PPFIA2: variants seen among roughly 807,000 people sequenced by gnomAD.
PPFIA2 encodes the protein liprin-alpha-2.
Under a neutral mutation model 175.5 loss-of-function variants are expected in PPFIA2, and 46 were observed. The ratio of observed to expected loss-of-function variants is 0.26; its 90% confidence interval spans 0.21 to 0.34. The LOEUF (loss-of-function observed/expected upper bound fraction) is 0.34, where lower values mean the gene tolerates loss of function less well. Among genes scored for constraint, PPFIA2 ranks in the 10% least tolerant of loss-of-function variants. The pLI is 1.00. For synonymous variants in PPFIA2, 568 were observed against 511.4 expected (o/e 1.11, Z -1.49); for missense variants, 1,179 against 1,506.1 (o/e 0.78, Z 3.60).
At chr12:81,654,461 C>T (rs2067481735) in intron 4 of PPFIA2, among the ~76,000 whole-genome samples, 1 of 152,000 alleles carries the variant, frequency 6.6e-6, no homozygotes, top group Non-Finnish European at 1.5e-5. Context: ...AATTAAATTT[C>T]TGCACAGAAG....
At chr12:81,461,657 T>C (rs2054557070) in intron 4 of PPFIA2, among the ~76,000 whole-genome samples, 1 of 152,050 alleles carries the variant, frequency 6.6e-6, no homozygotes, top group African/African-American at 2.4e-5. Context: ...AAGTCATATG[T>C]CCCTCAAAAG....
intron 21 of PPFIA2, among the ~76,000 whole-genome samples, chr12:81,333,402 A>T (rs1216505211): frequency 6.6e-6 from 1 of 152,148 alleles, no homozygotes; most frequent in Non-Finnish European, 1.5e-5. Context: ...TGTTCTCCGA[A>T]CGTGATTCCA....
chr12:81,555,861 T>A (rs2068766431), intron 4 of PPFIA2, among the ~76,000 whole-genome samples: 1 of 151,972 alleles, frequency 6.6e-6, no homozygotes, highest in African/African-American at 2.4e-5. Context: ...GGTACTTAAA[T>A]ATGGCTCTAA....
intron 4 of PPFIA2, among the ~76,000 whole-genome samples, chr12:81,665,616 C>A (rs943384932): frequency 2.6e-5 from 4 of 151,964 alleles, no homozygotes; most frequent in Non-Finnish European, 5.9e-5. Flanking sequence ...AGAGGACTTG[C>A]GTTTGCCAGG....
At chr12:81,453,742 C>A (rs1218884500) in intron 5 of PPFIA2, among the ~76,000 whole-genome samples, 2 of 152,056 alleles carry the variant, frequency 1.3e-5, no homozygotes, top group Non-Finnish European at 2.9e-5. Context: ...GATTTAAGAA[C>A]AACTGCAGTG....
chr12:81,544,144 CAG>C (rs963576219), intron 4 of PPFIA2, among the ~76,000 whole-genome samples: 2 of 152,126 alleles, frequency 1.3e-5, no homozygotes, highest in Non-Finnish European at 2.9e-5. Flanking sequence ...ATGTTAATAA[CAG>C]GGGAGACTTG....
chr12:81,296,435 T>G (rs2046453998), intron 23 of PPFIA2, among the ~76,000 whole-genome samples: 1 of 152,236 alleles, frequency 6.6e-6, no homozygotes, highest in South Asian at 2.1e-4. Flanking sequence ...TCTCAAGCAC[T>G]GGGTGAATGC....
intron 4 of PPFIA2, among the ~76,000 whole-genome samples, chr12:81,508,217 C>A (rs1046791446): frequency 6.6e-6 from 1 of 151,904 alleles, no homozygotes; most frequent in Non-Finnish European, 1.5e-5. Context: ...AATGAGATAA[C>A]ATTTATGGTA....
At chr12:81,442,520 T>C (rs1030892544) in intron 6 of PPFIA2, among the ~76,000 whole-genome samples, 3 of 151,938 alleles carry the variant, frequency 2.0e-5, no homozygotes, top group Non-Finnish European at 4.4e-5. Flanking sequence ...TCTGATATGT[T>C]ATTTTTAAAT....
intron 24 of PPFIA2, among the ~76,000 whole-genome samples, chr12:81,293,513 T>C (rs149727445): frequency 0.01 from 1,565 of 152,024 alleles, 20 homozygotes; most frequent in Non-Finnish European, 0.015. Context: ...AAAGAACACA[T>C]ACAAGTGTCC....
intron 4 of PPFIA2, among the ~76,000 whole-genome samples, chr12:81,654,584 C>T (rs2067499900): frequency 6.6e-6 from 1 of 152,020 alleles, no homozygotes; most frequent in Admixed American, 6.6e-5. Context: ...CTCCTGAGGT[C>T]ATATTCTGTG....
At chr12:81,377,565 A>G (rs1161449973) in intron 9 of PPFIA2, among the ~76,000 whole-genome samples, 4 of 151,910 alleles carry the variant, frequency 2.6e-5, no homozygotes, top group East Asian at 3.9e-4. Flanking sequence ...GAAAAAAAAA[A>G]AAAGAAAAAG....
Position 81,384,345 on chromosome 12 carries a change from A to G in PPFIA2, c.763-101T>C, listed in dbSNP as rs1003170524. On this transcript the variant is annotated intron_variant, in intron 8 of 32. Coordinates refer to ENST00000549396, the MANE Select transcript of PPFIA2 (RefSeq NM_003625.5). ...TTAAACTGACACTGCTTTCACAGTG[A>G]GAAATAAGAAATTCTGAAAAGAACT... The G allele has an allele frequency of 2.0e-5, 17 of 857,128 alleles. No homozygotes were observed. In the African/African-American group the frequency reaches 2.8e-4, roughly 14 times the overall value. 53.1% of individuals were successfully genotyped at this position (857,128 alleles called of 1,614,324 possible).
At chr12:81,676,567 G>C (rs2072546634) in intron 4 of PPFIA2, 1 of 315,282 alleles carries the variant, frequency 3.2e-6, no homozygotes, top group Non-Finnish European at 5.8e-6. Flanking sequence ...TATTTTTAAA[G>C]CCAATAAATT....
chr12:81,343,555 G>C (rs11114828), intron 19 of PPFIA2, among the ~76,000 whole-genome samples: 29,158 of 151,790 alleles, frequency 0.19, 4,167 homozygotes, highest in East Asian at 0.42. Context: ...AAGTTATCTG[G>C]TTCCAGGAGT....
intron 9 of PPFIA2, among the ~76,000 whole-genome samples, chr12:81,377,457 G>A (rs534487649): frequency 6.6e-6 from 1 of 151,956 alleles, no homozygotes. Flanking sequence ...AGAGGCCGAG[G>A]CCTGAGAATC....
At chr12:81,404,450 C>T (rs2042574839) in intron 8 of PPFIA2, among the ~76,000 whole-genome samples, 1 of 152,078 alleles carries the variant, frequency 6.6e-6, no homozygotes, top group Non-Finnish European at 1.5e-5. Flanking sequence ...ATGTTGGTTT[C>T]CTAAACTGAG....
At chr12:81,457,985 A>G (rs976952247) in intron 4 of PPFIA2, 119 bp from the exon 5 acceptor site, 2 of 636,804 alleles carry the variant, frequency 3.1e-6, no homozygotes, top group Non-Finnish European at 5.4e-6. Context: ...ACTGGTCAAC[A>G]TATGTTGCTG....
At chr12:81,306,975 C>T (rs942977585) in intron 22 of PPFIA2, among the ~76,000 whole-genome samples, 1 of 152,054 alleles carries the variant, frequency 6.6e-6, no homozygotes, top group Non-Finnish European at 1.5e-5. Context: ...ATCTAATTAC[C>T]TTTCCTTCTA....
Sources: allele counts gnomAD v4.1 joint callset (sites outside exome capture counted in the v4.1 genomes callset), GRCh38; gene constraint gnomAD v4.1.1; transcripts MANE v1.5; gene names NCBI Gene and HGNC (gene_info 2026-07-23, HGNC 2026-07-21).